Variants in PTPRD observed in about 807,000 individuals in gnomAD.
The protein encoded by PTPRD is receptor-type tyrosine-protein phosphatase delta.
In PTPRD, 34 loss-of-function variants were observed where a neutral mutation model predicts 214.5. That is an observed-to-expected ratio of 0.16 (90% CI 0.12 to 0.21). The LOEUF (loss-of-function observed/expected upper bound fraction) is 0.21. PTPRD is among the 10% of genes least tolerant of loss of function. The probability of loss-of-function intolerance (pLI) is 1.00; values close to 1 mark genes in which losing one functional copy is unlikely to be tolerated. For missense variants in PTPRD, 2,545 were observed against 2,398.7 expected (o/e 1.06, Z -1.27); for synonymous variants, 1,128 against 845.7 (o/e 1.33, Z -5.79).
At chr9:10,451,554 G>C (rs978204493) in intron 2 of PTPRD, among the ~76,000 whole-genome samples, 15 of 151,070 alleles carry the variant, frequency 9.9e-5, no homozygotes, top group African/African-American at 3.4e-4. Context: ...ATCTGTAATC[G>C]GATGATTAAA....
At chr9:8,434,777 C>T (rs2095272490) in intron 35 of PTPRD, among the ~76,000 whole-genome samples, 1 of 152,130 alleles carries the variant, frequency 6.6e-6, no homozygotes, top group East Asian at 1.9e-4. Context: ...TTTTATGGTG[C>T]CCCAGGTGCT....
In PTPRD at chr9:8,685,753, T is replaced by C. The variant is rs141309475; in HGVS notation, c.64+48027A>G. Among the ~76,000 whole-genome samples, 4 of 152,378 alleles carry C rather than the reference T, an allele frequency of 2.6e-5. No individual in the cohort carries two copies. In the East Asian group the frequency reaches 7.7e-4, roughly 29 times the overall value. On this transcript the variant is annotated intron_variant, in intron 12 of 45. Transcript: ENST00000381196. ...CAGAAGAGGTACAGGCCGATATTAA[T>C]AAACCAAATCTAATCACATTTTCAT...
intron 9 of PTPRD, among the ~76,000 whole-genome samples, chr9:9,326,215 TTTTAG>T (rs1227494862): frequency 2.0e-5 from 3 of 152,156 alleles, no homozygotes; most frequent in African/African-American, 7.2e-5. Flanking sequence ...AAGCCGTATC[TTTTAG>T]CTTTGGATAC....
chr9:9,886,402 T>C (rs952231857), intron 5 of PTPRD, among the ~76,000 whole-genome samples: 7 of 152,054 alleles, frequency 4.6e-5, no homozygotes, highest in African/African-American at 1.2e-4. Flanking sequence ...ATATAAAGGA[T>C]ATTAGACCTT....
At chr9:9,012,606 A>G (rs987514850) in intron 11 of PTPRD, among the ~76,000 whole-genome samples, 7 of 152,186 alleles carry the variant, frequency 4.6e-5, no homozygotes, top group African/African-American at 1.7e-4. Context: ...GCAATGTCTA[A>G]TGACTGTTCT....
At chr9:8,326,268 T>C (rs531422906) in intron 44 of PTPRD, among the ~76,000 whole-genome samples, 1 of 152,332 alleles carries the variant, frequency 6.6e-6, no homozygotes, top group South Asian at 2.1e-4. Flanking sequence ...TTTTGAGAGT[T>C]GTTAGCATAA....
chr9:8,530,506 A>T (rs1481391887), intron 14 of PTPRD, among the ~76,000 whole-genome samples: 1 of 151,970 alleles, frequency 6.6e-6, no homozygotes, highest in Non-Finnish European at 1.5e-5. Context: ...GGCTACTCAA[A>T]TCCACTGTCT....
chr9:9,142,129 T>A (rs971391540), intron 10 of PTPRD, among the ~76,000 whole-genome samples: 1 of 152,206 alleles, frequency 6.6e-6, no homozygotes, highest in East Asian at 1.9e-4. Context: ...GCAAAACAAG[T>A]GTGGGTTGTG....
intron 14 of PTPRD, among the ~76,000 whole-genome samples, chr9:8,611,338 G>T (rs1015004749): frequency 6.6e-6 from 1 of 152,128 alleles, no homozygotes; most frequent in Non-Finnish European, 1.5e-5. Context: ...TTATGATGAC[G>T]TCACTAAAAG....
chr9:10,087,788 A>C (rs1004979170), intron 3 of PTPRD, among the ~76,000 whole-genome samples: 3 of 151,758 alleles, frequency 2.0e-5, no homozygotes, highest in Non-Finnish European at 2.9e-5. Context: ...TACAAACAAA[A>C]AGACATTTAC....
At chr9:10,037,704 T>C (rs551115958) in intron 3 of PTPRD, among the ~76,000 whole-genome samples, 1 of 152,140 alleles carries the variant, frequency 6.6e-6, no homozygotes, top group South Asian at 2.1e-4. Context: ...AGAGGATCAA[T>C]CTTCGTTTTC....
chr9:8,341,918 C>A lies in PTPRD; in HGVS notation c.4722G>T (p.Lys1574Asn), dbSNP rs2132520597. 2 of 1,613,110 alleles carry A rather than the reference C, an allele frequency of 1.2e-6. No homozygotes were observed. The highest frequency in any genetic ancestry group is 1.1e-5 in the South Asian group (1 of 91,036). ...IVIDAMLERI[K>N]HEKTVDIYGH... is the part of the protein sequence containing the mutation. ...CATAAATATCTACAGTTTTTTCATGCTTTATTCTTTCTAACATGGCATCTA... is the reference window on the plus strand; with the variant it reads ...CATAAATATCTACAGTTTTTTCATGATTTATTCTTTCTAACATGGCATCTA... The change falls in exon 40 of 46, where the codon AAG (lysine) becomes AAT (asparagine). Residue 1574 changes from lysine to asparagine, a missense_variant. By Grantham distance (94) the Lys-to-Asn change is moderately conservative. Coordinates refer to ENST00000381196, the MANE Select transcript of PTPRD (RefSeq NM_002839.4).
At chr9:8,435,122 T>C (rs552923902) in intron 35 of PTPRD, among the ~76,000 whole-genome samples, 78 of 152,338 alleles carry the variant, frequency 5.1e-4, no homozygotes, top group South Asian at 2.1e-4. Context: ...GAATGAAACG[T>C]GGTCTGGCTC....
At chr9:8,713,860 G>C in intron 12 of PTPRD, 1 of 1,298,436 alleles carries the variant, frequency 7.7e-7, no homozygotes, top group Non-Finnish European at 1.1e-6. Context: ...CCCTCGCCCG[G>C]GTGCGCCCCA....
At chr9:8,578,493 G>T (rs949055530) in intron 14 of PTPRD, among the ~76,000 whole-genome samples, 9 of 152,066 alleles carry the variant, frequency 5.9e-5, no homozygotes, top group Non-Finnish European at 1.5e-5. Context: ...TTGCAAACAC[G>T]TGAAACAAAA....
At chr9:10,415,335 T>A (rs1026077998) in intron 2 of PTPRD, among the ~76,000 whole-genome samples, 1 of 151,784 alleles carries the variant, frequency 6.6e-6, no homozygotes, top group Admixed American at 6.6e-5. Flanking sequence ...TGTACAAACA[T>A]ACAATATTTC....
chr9:9,831,761 A>G (rs1193613957), intron 5 of PTPRD, among the ~76,000 whole-genome samples: 6 of 152,014 alleles, frequency 3.9e-5, no homozygotes, highest in Non-Finnish European at 7.4e-5. Context: ...TTTGAAAATC[A>G]GTAAATCTTT....
At chr9:9,517,574 C>T (rs745372405) in intron 8 of PTPRD, among the ~76,000 whole-genome samples, 26 of 152,008 alleles carry the variant, frequency 1.7e-4, no homozygotes, top group Non-Finnish European at 3.8e-4. Flanking sequence ...AAAAAAACCA[C>T]TTAGAGTATT....
intron 14 of PTPRD, among the ~76,000 whole-genome samples, chr9:8,587,146 T>TC (rs1430555626): frequency 4.6e-5 from 7 of 152,128 alleles, no homozygotes; most frequent in African/African-American, 1.7e-4. Flanking sequence ...CGAGACTCCA[T>TC]CTAAAAAAAC....
Sources: gnomAD v4.1 joint callset for allele counts (sites outside exome capture counted in the v4.1 genomes callset) on GRCh38, gnomAD v4.1.1 for gene constraint, MANE v1.5 for transcripts, NCBI Gene and HGNC (gene_info 2026-07-23, HGNC 2026-07-21) for gene names.